OR51B5: variants seen among roughly 807,000 people sequenced by gnomAD.
The protein encoded by OR51B5 is olfactory receptor 51B5.
For synonymous variants in OR51B5, 186 were observed against 144.8 expected (o/e 1.28, Z -2.04); for missense variants, 456 against 374.6 (o/e 1.22, Z -1.79).
chr11:5,358,734 A>C (rs1849233435), intron 1 of OR51B5, among the ~76,000 whole-genome samples: 2 of 152,262 alleles, frequency 1.3e-5, no homozygotes, highest in Non-Finnish European at 1.5e-5. Context: ...CATCGATGCA[A>C]AAAACCTCAA....
upstream of OR51B5, among the ~76,000 whole-genome samples, chr11:5,347,070 A>G (rs1292299653): frequency 1.3e-5 from 2 of 152,106 alleles, no homozygotes; most frequent in Non-Finnish European, 2.9e-5. Context: ...GCTTTTAAAT[A>G]ATCTTTCTTT....
chr11:5,403,364 T>A lies in OR51B5; in HGVS notation n.85-56454A>T, dbSNP rs117436555. The A allele has an allele frequency of 7.4e-5, 35 of 471,562 alleles. 1 individual carries two copies. In the East Asian group the frequency reaches 2.3e-3, roughly 31 times the overall value. The allele number at this position is 471,562 out of a possible 1,614,324, so 29.2% of individuals were successfully genotyped here. A position where few individuals can be genotyped will look rare whatever the true frequency, so the allele number is the denominator to read the frequency against. ...GTGCTGTGCTTGCTTACTATGTGCCTATGATTGGCTTGTCTATAGTGCACC... is the reference window on the plus strand; with the variant it reads ...GTGCTGTGCTTGCTTACTATGTGCCAATGATTGGCTTGTCTATAGTGCACC... On this transcript the variant is annotated intron_variant and non_coding_transcript_variant, in intron 1 of 4. Transcript: ENST00000415970.
chr11:5,373,642 T>C (rs4910777), intron 1 of OR51B5, among the ~76,000 whole-genome samples: 57,937 of 151,922 alleles, frequency 0.38, 11,275 homozygotes, highest in Non-Finnish European at 0.41. Context: ...TGTGCTTTTC[T>C]GACAGGCTTA....
chr11:5,431,732 A>C (rs1027916707), intron 1 of OR51B5: 1 of 152,558 alleles, frequency 6.6e-6, no homozygotes, highest in Non-Finnish European at 1.5e-5. Context: ...AGGAAGCAAG[A>C]AAGTTGGAGT....
chr11:5,409,203 T>C (rs950562507), intron 1 of OR51B5, among the ~76,000 whole-genome samples: 4 of 152,146 alleles, frequency 2.6e-5, no homozygotes, highest in African/African-American at 9.7e-5. Context: ...AACAACAGGT[T>C]GCCCTCTCAG....
chr11:5,369,284 A>G (rs2133705284), intron 1 of OR51B5, among the ~76,000 whole-genome samples: 1 of 152,344 alleles, frequency 6.6e-6, no homozygotes, highest in East Asian at 1.9e-4. Context: ...TGTGTGGGGT[A>G]GTAGAAACAA....
At chr11:5,462,206 G>A (rs1409709627) in intron 1 of OR51B5, among the ~76,000 whole-genome samples, 2 of 152,164 alleles carry the variant, frequency 1.3e-5, no homozygotes, top group Non-Finnish European at 2.9e-5. Flanking sequence ...GAGAGAGGGA[G>A]GAGACACTCA....
chr11:5,482,705 CA>C (rs1269585935), intron 1 of OR51B5, among the ~76,000 whole-genome samples: 1 of 89,974 alleles, frequency 1.1e-5, no homozygotes, highest in Non-Finnish European at 2.1e-5. Context: ...AGGACATGAA[CA>C]GACACTTCTC....
rs190869527 is a variant in OR51B5, at chr11:5,362,572, A to T, written n.85-15662T>A. 3.8e-3 allele frequency: 633 copies of T among 164,478 alleles called. 3 individuals are homozygous for T. Among genetic ancestry groups the T allele is most frequent in the Non-Finnish European group, 5.7e-3 (425 of 73,974 alleles). 10.2% of individuals were successfully genotyped at this position (164,478 alleles called of 1,614,324 possible). Reference sequence around the variant, plus strand: ...AAAGCAAAAGATAAGAAATAACAGAAGTCTTCTGGTGGCAGAGTGGTGGCT... The same window carrying T: ...AAAGCAAAAGATAAGAAATAACAGATGTCTTCTGGTGGCAGAGTGGTGGCT... On this transcript the variant is annotated intron_variant and non_coding_transcript_variant, in intron 1 of 4. Transcript: ENST00000415970.
At chr11:5,489,991 T>C (rs886450082) in intron 1 of OR51B5, among the ~76,000 whole-genome samples, 15 of 152,148 alleles carry the variant, frequency 9.9e-5, no homozygotes, top group Non-Finnish European at 2.1e-4. Flanking sequence ...CTCCTGTGAC[T>C]CCAAGTGAAA....
chr11:5,454,541 A>G, intron 1 of OR51B5: 1 of 875,858 alleles, frequency 1.1e-6, no homozygotes, highest in Non-Finnish European at 1.8e-6. Context: ...AAAGTAGGCC[A>G]GGAGATGGTG....
chr11:5,412,816 A>G (rs1325131317), intron 1 of OR51B5, among the ~76,000 whole-genome samples: 1 of 152,122 alleles, frequency 6.6e-6, no homozygotes, highest in South Asian at 2.1e-4. Flanking sequence ...AGCCCACCAC[A>G]GCTCAAGGAG....
At chr11:5,467,198 C>T (rs1349825090) in intron 1 of OR51B5, among the ~76,000 whole-genome samples, 1 of 152,106 alleles carries the variant, frequency 6.6e-6, no homozygotes, top group African/African-American at 2.4e-5. Flanking sequence ...AGTATACAGT[C>T]CTCTCCAATT....
intron 1 of OR51B5, among the ~76,000 whole-genome samples, chr11:5,494,197 C>A (rs538022431): frequency 2.0e-5 from 3 of 152,206 alleles, no homozygotes; most frequent in Non-Finnish European, 4.4e-5. Context: ...TTAGCAAATG[C>A]ATTAATGTGT....
intron 1 of OR51B5, among the ~76,000 whole-genome samples, chr11:5,366,681 AAGAAGG>A (rs527280364): frequency 6.6e-6 from 1 of 151,516 alleles, no homozygotes; most frequent in Admixed American, 6.6e-5. Context: ...GAAGAAGAAG[AAGAAGG>A]AGAAGGAGAA....
chr11:5,417,363 A>T lies in OR51B5; in HGVS notation n.85-70453T>A, dbSNP rs527967587. On this transcript the variant is annotated intron_variant and non_coding_transcript_variant, in intron 1 of 4. Transcript: ENST00000415970. ...AGGCATTACCATTCAGGACATAGGC[A>T]AGGGCAAGGACTTCAGGTCTAAAAC... Among the ~76,000 whole-genome samples the T allele has an allele frequency of 4.6e-4, 70 of 152,220 alleles. 3 individuals are homozygous for T. The South Asian group carries it at 0.014, about 29-fold the overall frequency.
chr11:5,474,475 CA>C (rs1384988174), intron 1 of OR51B5, among the ~76,000 whole-genome samples: 2 of 136,276 alleles, frequency 1.5e-5, no homozygotes, highest in Non-Finnish European at 3.1e-5. Flanking sequence ...TGTTTTTTAA[CA>C]AATTAATAAT....
intron 1 of OR51B5, among the ~76,000 whole-genome samples, chr11:5,417,419 T>A (rs1308981210): frequency 6.6e-6 from 1 of 151,864 alleles, no homozygotes; most frequent in South Asian, 2.1e-4. Context: ...AAGCCAAAAT[T>A]GACAAATGGG....
chr11:5,452,926 C>T (rs563061716), intron 1 of OR51B5, among the ~76,000 whole-genome samples: 1 of 152,340 alleles, frequency 6.6e-6, no homozygotes, highest in South Asian at 2.1e-4. Flanking sequence ...CCTCTGGAGG[C>T]AGTCAATTAC....
Sources: gnomAD v4.1 joint callset for allele counts (sites outside exome capture counted in the v4.1 genomes callset) on GRCh38, gnomAD v4.1.1 for gene constraint, MANE v1.5 for transcripts, NCBI Gene and HGNC (gene_info 2026-07-23, HGNC 2026-07-21) for gene names.